The following STK39 variants were observed in gnomAD, a reference collection of about 807,000 sequenced individuals.
STK39 encodes STE20/SPS1-related proline-alanine-rich protein kinase.
In STK39, 20 loss-of-function variants were observed where a neutral mutation model predicts 77.8. The observed-to-expected ratio is 0.26, with a 90% confidence interval of 0.18 to 0.37. The LOEUF (loss-of-function observed/expected upper bound fraction) is 0.37, where lower values mean the gene tolerates loss of function less well. Ranked by LOEUF, STK39 falls within the 10% of genes least tolerant of loss-of-function variation. The pLI is 1.00. For synonymous variants in STK39, 246 were observed against 234.1 expected (o/e 1.05, Z -0.47); for missense variants, 479 against 656.5 (o/e 0.73, Z 2.95).
At chr2:168,090,576 A>G (rs540142603) in intron 10 of STK39, among the ~76,000 whole-genome samples, 70 of 152,372 alleles carry the variant, frequency 4.6e-4, no homozygotes, top group African/African-American at 1.7e-3. Context: ...GAAACTGTTC[A>G]CCTCTGTGAA....
chr2:168,005,830 C>A (rs562936587), intron 16 of STK39, among the ~76,000 whole-genome samples: 3 of 152,270 alleles, frequency 2.0e-5, no homozygotes, highest in East Asian at 3.9e-4. Flanking sequence ...GTAAGTCTTG[C>A]AGGCAGACAG....
chr2:168,011,078 A>G (rs533575555), intron 16 of STK39, among the ~76,000 whole-genome samples: 12 of 152,376 alleles, frequency 7.9e-5, no homozygotes, highest in African/African-American at 2.6e-4. Context: ...CAGGCGGATC[A>G]CTTGAGGTCA....
intron 1 of STK39, among the ~76,000 whole-genome samples, chr2:168,214,825 T>C (rs1444702877): frequency 2.0e-5 from 3 of 152,204 alleles, no homozygotes; most frequent in Non-Finnish European, 4.4e-5. Flanking sequence ...CACTGATAAC[T>C]GTGTGCCACG....
At chr2:168,036,826 A>G (rs1255765751) in intron 14 of STK39, among the ~76,000 whole-genome samples, 1 of 152,168 alleles carries the variant, frequency 6.6e-6, no homozygotes, top group Non-Finnish European at 1.5e-5. Context: ...GAGAAAGGAG[A>G]AGAGACAGAG....
intron 5 of STK39, among the ~76,000 whole-genome samples, chr2:168,154,430 A>C (rs1362533494): frequency 6.6e-6 from 1 of 152,252 alleles, no homozygotes; most frequent in Admixed American, 6.5e-5. Flanking sequence ...AGTGTACTAC[A>C]TACAATCAAG....
chr2:168,177,734 C>T (rs1688989171), intron 2 of STK39, among the ~76,000 whole-genome samples: 1 of 152,064 alleles, frequency 6.6e-6, no homozygotes, highest in African/African-American at 2.4e-5. Context: ...AACCAGAGAG[C>T]CAAGCTCTAG....
At chr2:168,019,208 T>C (rs903020674) in intron 14 of STK39, among the ~76,000 whole-genome samples, 7 of 152,326 alleles carry the variant, frequency 4.6e-5, no homozygotes, top group African/African-American at 1.7e-4. Flanking sequence ...TAAAAGAAAG[T>C]AGATACAGCA....
At chr2:168,152,981 A>G (rs953922135) in intron 5 of STK39, among the ~76,000 whole-genome samples, 20 of 152,330 alleles carry the variant, frequency 1.3e-4, no homozygotes, top group Middle Eastern at 3.4e-3. Flanking sequence ...TATGATCCCT[A>G]TGGGAGAAGA....
At chr2:168,096,291 C>A (rs1162540736) in intron 10 of STK39, among the ~76,000 whole-genome samples, 11 of 152,270 alleles carry the variant, frequency 7.2e-5, no homozygotes, top group African/African-American at 2.6e-4. Flanking sequence ...TGTTTACCAA[C>A]AAAAGGCCTC....
At chr2:168,242,039 CA>C (rs1453038941) in intron 1 of STK39, among the ~76,000 whole-genome samples, 1 of 152,134 alleles carries the variant, frequency 6.6e-6, no homozygotes, top group Non-Finnish European at 1.5e-5. Context: ...CCATAAAAGT[CA>C]GGGAAGAATT....
chr2:168,246,089 GAAGTGA>G (rs1469969840), intron 1 of STK39, among the ~76,000 whole-genome samples: 1 of 151,978 alleles, frequency 6.6e-6, no homozygotes, highest in African/African-American at 2.4e-5. Flanking sequence ...AGAATTTTTT[GAAGTGA>G]AAGTTAGAAA....
chr2:168,187,169 G>A (rs1029782024), intron 1 of STK39, among the ~76,000 whole-genome samples: 1 of 152,118 alleles, frequency 6.6e-6, no homozygotes, highest in Non-Finnish European at 1.5e-5. Flanking sequence ...TGACCAGCAT[G>A]GTGAAACCCC....
rs761053209 is a variant in STK39 at position 168,000,700 on chromosome 2, G to A, written c.1498+11934C>T. On this transcript the variant is annotated intron_variant, in intron 16 of 17. Coordinates refer to ENST00000355999, the MANE Select transcript of STK39 (RefSeq NM_013233.3). ...TCTTGTCCTTCTGACCCTACATATCGCAGAAAGACAAGAAAGTGCAGAGCT... is the reference window on the plus strand; with the variant it reads ...TCTTGTCCTTCTGACCCTACATATCACAGAAAGACAAGAAAGTGCAGAGCT... 6.6e-4 allele frequency among the ~76,000 whole-genome samples: 101 copies of A among 152,250 alleles called. 1 individual carries two copies. Among genetic ancestry groups the A allele is most frequent in the Admixed American group, 2.9e-3 (45 of 15,300 alleles).
At chr2:168,053,695 C>A (rs1388785426) in intron 14 of STK39, among the ~76,000 whole-genome samples, 2 of 152,172 alleles carry the variant, frequency 1.3e-5, no homozygotes, top group Admixed American at 6.5e-5. Context: ...TCCCTTATAC[C>A]AATTTTTTCT....
At chr2:168,060,676 T>C (rs929040583) in intron 14 of STK39, among the ~76,000 whole-genome samples, 4 of 152,228 alleles carry the variant, frequency 2.6e-5, no homozygotes, top group African/African-American at 9.6e-5. Flanking sequence ...TTCTATGTCA[T>C]TAGATTCAGG....
chr2:168,119,192 C>T (rs377133376), intron 10 of STK39, among the ~76,000 whole-genome samples: 4 of 152,254 alleles, frequency 2.6e-5, no homozygotes, highest in Admixed American at 6.5e-5. Context: ...GCACTCAGGC[C>T]GATGTGGATC....
intron 15 of STK39, among the ~76,000 whole-genome samples, chr2:168,014,469 T>TA (rs549680071): frequency 6.6e-6 from 1 of 150,920 alleles, no homozygotes; most frequent in South Asian, 2.1e-4. Flanking sequence ...GTCTATTTTT[T>TA]AAAAAAGAAA....
At chr2:168,075,587 A>G (rs911513569) in intron 10 of STK39, among the ~76,000 whole-genome samples, 1 of 151,932 alleles carries the variant, frequency 6.6e-6, no homozygotes, top group African/African-American at 2.4e-5. Context: ...GGTAGGCATC[A>G]AATTGCCTAA....
intron 16 of STK39, among the ~76,000 whole-genome samples, chr2:167,966,207 C>T (rs1172091702): frequency 1.3e-5 from 2 of 152,146 alleles, no homozygotes; most frequent in Non-Finnish European, 2.9e-5. Context: ...GCAAAGCTTC[C>T]TGTGGCCTTT....
Sources: allele counts gnomAD v4.1 joint callset (sites outside exome capture counted in the v4.1 genomes callset), GRCh38; gene constraint gnomAD v4.1.1; transcripts MANE v1.5; gene names NCBI Gene and HGNC (gene_info 2026-07-23, HGNC 2026-07-21).